The following PARN variants were observed in gnomAD, a reference collection of about 807,000 sequenced individuals.
The protein encoded by PARN is poly(A)-specific ribonuclease PARN.
In PARN, 71 loss-of-function variants were observed where a neutral mutation model predicts 102.8. The observed-to-expected ratio is 0.69, with a 90% CI of 0.57 to 0.84. The LOEUF (loss-of-function observed/expected upper bound fraction) is 0.84, where lower values mean the gene tolerates loss of function less well. Ranked by LOEUF, PARN falls within the 40% of genes least tolerant of loss-of-function variation. The probability of loss-of-function intolerance (pLI) is 0.00; values close to 1 mark genes in which losing one functional copy is unlikely to be tolerated. For synonymous variants in PARN, 261 were observed against 252.9 expected, an observed-to-expected ratio of 1.03 and a Z score of -0.30; for missense variants, 782 against 760.9, an observed-to-expected ratio of 1.03 and a Z score of -0.33.
intron 20 of PARN, 66 bp from the exon 21 acceptor site, chr16:14,552,161 C>A: frequency 1.1e-6 from 1 of 930,096 alleles, no homozygotes; most frequent in Non-Finnish European, 1.8e-6. Flanking sequence ...ATTTAATGCG[C>A]GTATCTTACA....
intron 21 of PARN, among the ~76,000 whole-genome samples, chr16:14,510,182 G>A (rs771869662): frequency 6.6e-6 from 1 of 152,164 alleles, no homozygotes; most frequent in African/African-American, 2.4e-5. Context: ...GCAAAGGCTG[G>A]GGGAATATGT....
intron 2 of PARN, 102 bp downstream of exon 2, chr16:14,629,495 C>T: frequency 1.2e-6 from 1 of 852,600 alleles, no homozygotes; most frequent in Admixed American, 2.0e-5. Flanking sequence ...CTACTAACAG[C>T]AAGAGGCCAC....
chr16:14,624,510 C>T (rs1398258541), intron 5 of PARN, among the ~76,000 whole-genome samples: 1 of 152,148 alleles, frequency 6.6e-6, no homozygotes, highest in Non-Finnish European at 1.5e-5. Context: ...CTGGCAACTA[C>T]AACTGTATTA....
Position 14,518,627 on chromosome 16 carries a change from T to C in PARN, c.1480+33394A>G, listed in dbSNP as rs114765229. 2.1e-3 allele frequency among the ~76,000 whole-genome samples: 319 copies of C among 152,228 alleles called. 1 individual carries two copies. Among genetic ancestry groups the C allele is most frequent in the African/African-American group, 7.3e-3 (304 of 41,482 alleles). ...ATATAAATATGTATACTTATGTTTT[T>C]ATGTTAAGAAAAACAATGGAAGGAT... is the stretch of plus-strand genomic sequence containing the variant. On this transcript the variant is annotated intron_variant, in intron 21 of 23. Transcript: ENST00000437198.
intron 21 of PARN, among the ~76,000 whole-genome samples, chr16:14,531,175 C>T (rs980186446): frequency 1.3e-5 from 2 of 152,118 alleles, no homozygotes; most frequent in Non-Finnish European, 1.5e-5. Flanking sequence ...GAAACCCCAT[C>T]TATATCAAAA....
chr16:14,492,938 T>G (rs1307234088), intron 21 of PARN, among the ~76,000 whole-genome samples: 2 of 152,160 alleles, frequency 1.3e-5, no homozygotes, highest in African/African-American at 2.4e-5. Flanking sequence ...CTTACAAAGC[T>G]TTTATCACAG....
intron 21 of PARN, among the ~76,000 whole-genome samples, chr16:14,486,582 G>A (rs1389543920): frequency 6.6e-6 from 1 of 152,194 alleles, no homozygotes; most frequent in Non-Finnish European, 1.5e-5. Context: ...GGATTTATCT[G>A]AGCACATTTG....
chr16:14,584,010 T>C (rs1969690622), intron 16 of PARN, among the ~76,000 whole-genome samples: 1 of 152,244 alleles, frequency 6.6e-6, no homozygotes, highest in Non-Finnish European at 1.5e-5. Context: ...GATTAATCAC[T>C]AGCTCTTTGT....
intron 22 of PARN, among the ~76,000 whole-genome samples, chr16:14,455,285 C>T (rs993489052): frequency 3.3e-5 from 5 of 152,146 alleles, no homozygotes; most frequent in African/African-American, 1.2e-4. Context: ...CATATAAGCC[C>T]AATTCCTTTC....
At chr16:14,560,474 C>T (rs1267990297) in intron 18 of PARN, among the ~76,000 whole-genome samples, 3 of 152,204 alleles carry the variant, frequency 2.0e-5, no homozygotes, top group Non-Finnish European at 4.4e-5. Flanking sequence ...TTATCAAACA[C>T]TAAAATTAAA....
chr16:14,511,908 T>C (rs942012011), intron 21 of PARN, among the ~76,000 whole-genome samples: 1 of 152,130 alleles, frequency 6.6e-6, no homozygotes, highest in Non-Finnish European at 1.5e-5. Context: ...CTTTCTGTGT[T>C]ACCTACGCTG....
chr16:14,441,218 G>T (rs1960925856), intron 23 of PARN, among the ~76,000 whole-genome samples: 1 of 152,112 alleles, frequency 6.6e-6, no homozygotes, highest in Admixed American at 6.5e-5. Flanking sequence ...TCAAGTTGGG[G>T]GCTGGGGGCT....
intron 18 of PARN, among the ~76,000 whole-genome samples, chr16:14,579,509 G>A (rs1049681909): frequency 6.6e-5 from 10 of 152,114 alleles, no homozygotes; most frequent in Non-Finnish European, 1.0e-4. Flanking sequence ...GGTGGAGGCT[G>A]CAGTGAGCCA....
chr16:14,580,653 T>C (rs1299536273), intron 18 of PARN, among the ~76,000 whole-genome samples: 1 of 151,926 alleles, frequency 6.6e-6, no homozygotes, highest in East Asian at 1.9e-4. Context: ...CTATACTACG[T>C]CTAGCAATGT....
intron 18 of PARN, chr16:14,564,951 G>A (rs183146828): frequency 1.3e-5 from 2 of 152,220 alleles, no homozygotes; most frequent in African/African-American, 2.4e-5. Flanking sequence ...CCCAATTTGA[G>A]CACAGAATTA....
At chr16:14,486,094 C>T (rs1042905801) in intron 21 of PARN, among the ~76,000 whole-genome samples, 2 of 152,178 alleles carry the variant, frequency 1.3e-5, no homozygotes, top group African/African-American at 4.8e-5. Context: ...GTCGCTCATG[C>T]CTACAGTCCC....
At chr16:14,537,954 A>G (rs1966682342) in intron 21 of PARN, among the ~76,000 whole-genome samples, 1 of 152,214 alleles carries the variant, frequency 6.6e-6, no homozygotes, top group Non-Finnish European at 1.5e-5. Context: ...GAATGTTCAC[A>G]ACACAAAACT....
chr16:14,616,273 C>A lies in PARN; in HGVS notation c.388+1317G>T, dbSNP rs187349916. Among the ~76,000 whole-genome samples, 4 of 152,260 alleles carry A rather than the reference C, an allele frequency of 2.6e-5. No homozygotes were observed. The East Asian group carries it at 7.7e-4, about 29-fold the overall frequency. ...TTATGCATCAAATATTTGGTGGTCA[C>A]CTCCCTGATGTAGAAGAGAAATCAT... is the stretch of plus-strand genomic sequence containing the variant. On this transcript the variant is annotated intron_variant, in intron 6 of 23. Coordinates refer to ENST00000437198, the MANE Select transcript of PARN (RefSeq NM_002582.4).
At chr16:14,512,482 G>A (rs1965243904) in intron 21 of PARN, among the ~76,000 whole-genome samples, 1 of 152,102 alleles carries the variant, frequency 6.6e-6, no homozygotes, top group Admixed American at 6.5e-5. Context: ...AACAGAGTGA[G>A]ACTCTCTCAA....
Sources: gnomAD v4.1 joint callset for allele counts (sites outside exome capture counted in the v4.1 genomes callset) on GRCh38, gnomAD v4.1.1 for gene constraint, MANE v1.5 for transcripts, NCBI Gene and HGNC (gene_info 2026-07-23, HGNC 2026-07-21) for gene names.